GRM3: variants seen among roughly 807,000 people sequenced by gnomAD.
GRM3 encodes the protein metabotropic glutamate receptor 3.
In GRM3, 26 loss-of-function variants were observed where a neutral mutation model predicts 70.5. The observed-to-expected ratio is 0.37, with a 90% CI of 0.27 to 0.51. The LOEUF is 0.51. Ranked by LOEUF, GRM3 falls within the 20% of genes least tolerant of loss-of-function variation. The probability of loss-of-function intolerance (pLI) is 0.93; values close to 1 mark genes in which losing one functional copy is unlikely to be tolerated. For missense variants in GRM3, 859 were observed against 1,123.8 expected (o/e 0.76, Z 3.37); for synonymous variants, 443 against 434.9 (o/e 1.02, Z -0.23).
chr7:86,843,351 G>A (rs761422445), intron 4 of GRM3, among the ~76,000 whole-genome samples: 2 of 152,070 alleles, frequency 1.3e-5, no homozygotes, highest in Non-Finnish European at 1.5e-5. Flanking sequence ...TACCACAGAC[G>A]CATCCATAAT....
At chr7:86,796,344 G>A (rs1398395183) in intron 3 of GRM3, among the ~76,000 whole-genome samples, 2 of 152,106 alleles carry the variant, frequency 1.3e-5, no homozygotes, top group Non-Finnish European at 2.9e-5. Context: ...GCATGTTTTT[G>A]TCAGGTTTCT....
intron 1 of GRM3, among the ~76,000 whole-genome samples, chr7:86,722,149 C>T (rs568572620): frequency 2.0e-5 from 3 of 152,168 alleles, no homozygotes; most frequent in Non-Finnish European, 2.9e-5. Flanking sequence ...AGACCCTTCC[C>T]CTTCCCACCA....
chr7:86,711,162 A>AT (rs1485658035), intron 1 of GRM3, among the ~76,000 whole-genome samples: 14 of 151,676 alleles, frequency 9.2e-5, no homozygotes, highest in African/African-American at 3.1e-4. Context: ...GTCTTCTCTA[A>AT]TTTAATTTAA....
chr7:86,744,268 CAG>C (rs1796053517), intron 1 of GRM3, among the ~76,000 whole-genome samples: 1 of 151,548 alleles, frequency 6.6e-6, no homozygotes, highest in Non-Finnish European at 1.5e-5. Flanking sequence ...GAGTGTGCAG[CAG>C]ACAGGCAGTG....
intron 4 of GRM3, among the ~76,000 whole-genome samples, chr7:86,843,918 AC>A (rs1259679649): frequency 3.3e-5 from 5 of 152,294 alleles, no homozygotes; most frequent in Middle Eastern, 3.4e-3. Flanking sequence ...CATGCAAATC[AC>A]CTGGGGATCT....
chr7:86,645,836 T>G (rs1285650590), intron 1 of GRM3, among the ~76,000 whole-genome samples: 2 of 152,108 alleles, frequency 1.3e-5, no homozygotes, highest in Non-Finnish European at 2.9e-5. Flanking sequence ...GGGGTCTATA[T>G]GTAGGTACAT....
At chr7:86,861,822 T>C (rs1476623521) in intron 5 of GRM3, among the ~76,000 whole-genome samples, 2 of 152,222 alleles carry the variant, frequency 1.3e-5, no homozygotes, top group Non-Finnish European at 2.9e-5. Context: ...TGTAGGTGAC[T>C]TGTATTTTAA....
At chr7:86,780,850 G>A (rs1387898948) in intron 2 of GRM3, among the ~76,000 whole-genome samples, 2 of 152,190 alleles carry the variant, frequency 1.3e-5, no homozygotes, top group African/African-American at 4.8e-5. Context: ...GATAGCAAGG[G>A]ATGATTGGTC....
chr7:86,806,271 T>G (rs987131579), intron 3 of GRM3, among the ~76,000 whole-genome samples: 33 of 152,284 alleles, frequency 2.2e-4, no homozygotes, highest in African/African-American at 7.0e-4. Flanking sequence ...CCCAGTAATG[T>G]GATGGCTGGG....
chr7:86,691,362 C>T (rs978292797), intron 1 of GRM3, among the ~76,000 whole-genome samples: 4 of 152,026 alleles, frequency 2.6e-5, no homozygotes, highest in Admixed American at 6.6e-5. Flanking sequence ...TTTTTTTTAG[C>T]ATGTCAAAGC....
chr7:86,796,496 T>A (rs146486389), intron 3 of GRM3, among the ~76,000 whole-genome samples: 2 of 152,202 alleles, frequency 1.3e-5, no homozygotes, highest in African/African-American at 2.4e-5. Flanking sequence ...TCAGGTAGCA[T>A]CATGCTGCCA....
intron 1 of GRM3, among the ~76,000 whole-genome samples, chr7:86,711,126 C>G (rs774317488): frequency 1.3e-5 from 2 of 151,860 alleles, no homozygotes; most frequent in African/African-American, 2.4e-5. Flanking sequence ...AAATATATTT[C>G]TTGTAGTAGG....
chr7:86,670,884 G>A (rs1196129438), intron 1 of GRM3, among the ~76,000 whole-genome samples: 2 of 152,088 alleles, frequency 1.3e-5, no homozygotes, highest in Non-Finnish European at 2.9e-5. Flanking sequence ...GATATACTGT[G>A]TTTTCTTGAC....
intron 3 of GRM3, among the ~76,000 whole-genome samples, chr7:86,831,968 C>T (rs541892789): frequency 6.6e-6 from 1 of 152,230 alleles, no homozygotes; most frequent in South Asian, 2.1e-4. Context: ...AGAAAGGCTT[C>T]AGTGATTTTG....
rs535524107 is a variant in GRM3, at chr7:86,832,811, C to T, written c.1325-6028C>T. 6.6e-5 allele frequency among the ~76,000 whole-genome samples: 10 copies of T among 152,226 alleles called. No homozygotes were observed. In the South Asian group the frequency reaches 1.5e-3, roughly 22 times the overall value. ...TTGGTATTCAAGCCAAGTTCCCATT[C>T]GAAACTGGGGTCAGAACTAATTGGA... On this transcript the variant is annotated intron_variant, in intron 3 of 5. Coordinates refer to ENST00000361669, the MANE Select transcript of GRM3 (RefSeq NM_000840.3).
rs528965915 is a variant in GRM3, at chr7:86,758,796, T to G, written c.-140-6210T>G. Among the ~76,000 whole-genome samples the G allele has an allele frequency of 2.0e-5, 3 of 152,280 alleles. 1 individual carries two copies. The highest frequency in any genetic ancestry group is 7.2e-5 in the African/African-American group (3 of 41,580). ...TTTTTATTTTTTAATTTACCTTACT[T>G]AGTTTTTTTGGTCAAGGTCGAATAG... On this transcript the variant is annotated intron_variant, in intron 1 of 5. Coordinates refer to ENST00000361669, the MANE Select transcript of GRM3 (RefSeq NM_000840.3).
chr7:86,649,647 T>C (rs1793559598), intron 1 of GRM3, among the ~76,000 whole-genome samples: 1 of 151,796 alleles, frequency 6.6e-6, no homozygotes, highest in Non-Finnish European at 1.5e-5. Flanking sequence ...TCTAAACAGA[T>C]TAAAAAAAAT....
intron 5 of GRM3, among the ~76,000 whole-genome samples, chr7:86,853,336 T>C (rs1453785264): frequency 6.6e-6 from 1 of 152,224 alleles, no homozygotes; most frequent in East Asian, 1.9e-4. Flanking sequence ...GCCAGTGGTC[T>C]ATGGAATTGA....
Position 86,864,210 on chromosome 7 carries a change from G to C in GRM3, c.2567-72G>C. 3.7e-6 allele frequency: 3 copies of C among 803,768 alleles called. No homozygotes were observed. The East Asian group carries it at 7.3e-5, about 20-fold the overall frequency. The allele number at this position is 803,768 out of a possible 1,614,324, so 49.8% of individuals were successfully genotyped here. On this transcript the variant is annotated intron_variant, in intron 5 of 5. Transcript: ENST00000361669. ...TCCCCCCGAGTCCCCAAAGTCCATTGTATCCTTCATGCTATTACCTTTGTG... is the reference window on the plus strand; with the variant it reads ...TCCCCCCGAGTCCCCAAAGTCCATTCTATCCTTCATGCTATTACCTTTGTG...
Sources: allele counts gnomAD v4.1 joint callset (sites outside exome capture counted in the v4.1 genomes callset), GRCh38; gene constraint gnomAD v4.1.1; transcripts MANE v1.5; gene names NCBI Gene and HGNC (gene_info 2026-07-23, HGNC 2026-07-21).